GPATCH8: variants seen among roughly 807,000 people sequenced by gnomAD.
GPATCH8 encodes the protein G patch domain-containing protein 8.
Under a neutral mutation model 118.3 loss-of-function variants are expected in GPATCH8, and 18 were observed. That is an observed-to-expected ratio of 0.15 (90% CI 0.11 to 0.23). The LOEUF (loss-of-function observed/expected upper bound fraction) is 0.23, where lower values mean the gene tolerates loss of function less well. Ranked by LOEUF, GPATCH8 falls within the 10% of genes least tolerant of loss-of-function variation. GPATCH8 has a pLI of 1.00. For missense variants in GPATCH8, 1,631 were observed against 1,873.8 expected (o/e 0.87, Z 2.39); for synonymous variants, 659 against 684.7 (o/e 0.96, Z 0.59).
intron 1 of GPATCH8, among the ~76,000 whole-genome samples, chr17:44,500,733 A>G (rs2144509878): frequency 6.6e-6 from 1 of 152,348 alleles, no homozygotes; most frequent in South Asian, 2.1e-4. Flanking sequence ...GATCTGTTGA[A>G]AGCAACAAGA....
Position 44,397,583 on chromosome 17 carries a change from G to T in GPATCH8, c.4494C>A (p.Pro1498=). The part of the protein sequence containing the change: ...IFSGQDLQHP[P]SHGT ...ATCCCCCAACTCACGTGCCATGGCT[G>T]GGGGGATGTTGCAGGTCCTGACCTG... Residue 1498 remains proline (P), a synonymous_variant, in exon 8 of 8, where the codon CCC becomes CCA. Coordinates refer to ENST00000591680, the MANE Select transcript of GPATCH8 (RefSeq NM_001002909.4). 2 of 1,610,208 alleles carry T rather than the reference G, an allele frequency of 1.2e-6. No individual in the cohort carries two copies. The highest frequency in any genetic ancestry group is 1.7e-6 in the Non-Finnish European group (2 of 1,176,600).
chr17:44,471,160 C>A (rs1399885791), intron 2 of GPATCH8, among the ~76,000 whole-genome samples: 1 of 152,084 alleles, frequency 6.6e-6, no homozygotes, highest in Non-Finnish European at 1.5e-5. Flanking sequence ...TGAAAGATAT[C>A]TGGTTGGTTG....
At chr17:44,478,849 C>T (rs1967985195) in intron 1 of GPATCH8, among the ~76,000 whole-genome samples, 2 of 151,988 alleles carry the variant, frequency 1.3e-5, no homozygotes, top group South Asian at 4.1e-4. Flanking sequence ...AGTAATCCTC[C>T]CACCTCAGCC....
intron 1 of GPATCH8, among the ~76,000 whole-genome samples, chr17:44,480,580 C>T (rs558428167): frequency 1.3e-5 from 2 of 152,092 alleles, no homozygotes; most frequent in South Asian, 2.1e-4. Flanking sequence ...ATTAGCCAGG[C>T]GTGGTGGCTC....
chr17:44,399,900 T>C lies in GPATCH8; in HGVS notation c.2177A>G (p.Asp726Gly), dbSNP rs772968706. Residue 726 changes from aspartate to glycine, a missense_variant, in exon 8 of 8, where the codon GAT becomes GGT. Transcript: ENST00000591680. ...TTCTGGTTTGGGTCCTCGTTCAGAA[T>C]CTGCTGGGGCTGATGACTTATTCTT... ...RKKNKSSAPA[D>G]SERGPKPEPP... The C allele has an allele frequency of 2.5e-6, 4 of 1,613,984 alleles. No individual in the cohort carries two copies. The highest frequency in any genetic ancestry group is 3.4e-6 in the Non-Finnish European group (4 of 1,180,014).
intron 7 of GPATCH8, 59 bp downstream of exon 7, chr17:44,405,862 A>T: frequency 1.7e-6 from 2 of 1,199,906 alleles, no homozygotes; most frequent in Non-Finnish European, 2.4e-6. Flanking sequence ...GAAATCTATA[A>T]TTTAAAATTT....
At chr17:44,428,647 A>T (rs2050177086) in intron 5 of GPATCH8, among the ~76,000 whole-genome samples, 1 of 151,806 alleles carries the variant, frequency 6.6e-6, no homozygotes, top group Non-Finnish European at 1.5e-5. Context: ...TACAAAAAAT[A>T]TAAAAATTAG....
At position 44,400,852 on chromosome 17, in the gene GPATCH8, G is replaced by A; in HGVS notation, c.1225C>T (p.Pro409Ser). ...PAHCKVKPNF[P>S]FLLFMRASEQ... The stretch of plus-strand genomic sequence containing the variant: ...CTGGCTCTCATAAAAAGTAGAAAGG[G>A]AAAATTAGGTTTTACTTTGCAGTGT... Residue 409 changes from proline to serine, a missense_variant, in exon 8 of 8, where the codon CCC becomes TCC. Physicochemically the swap from Pro to Ser is moderately conservative, Grantham distance 74. Transcript: ENST00000591680. 1 of 1,614,004 alleles carries A rather than the reference G, an allele frequency of 6.2e-7. No homozygotes were observed. Among genetic ancestry groups the A allele is most frequent in the East Asian group, 2.2e-5 (1 of 44,884 alleles).
rs192580684 is a variant in GPATCH8 at position 44,397,301 on chromosome 17, G to C, written c.*267C>G. On this transcript the variant is annotated 3_prime_UTR_variant, in exon 8 of 8. Coordinates refer to ENST00000591680, the MANE Select transcript of GPATCH8 (RefSeq NM_001002909.4). ...AGTTTGGAGATGTTGCTGCAGAGGGGTGGGTAGCACTTACTGGTGTTCCCT... is the reference window on the plus strand; with the variant it reads ...AGTTTGGAGATGTTGCTGCAGAGGGCTGGGTAGCACTTACTGGTGTTCCCT... 1 of 634,446 alleles carries C rather than the reference G, an allele frequency of 1.6e-6. No homozygotes were observed. The highest frequency in any genetic ancestry group is 1.8e-5 in the African/African-American group (1 of 55,832). 39.3% of individuals were successfully genotyped at this position (634,446 alleles called of 1,614,324 possible).
chr17:44,406,175 C>T, intron 6 of GPATCH8, 124 bp from the exon 7 acceptor site: 1 of 740,356 alleles, frequency 1.4e-6, no homozygotes, highest in Non-Finnish European at 2.4e-6. Flanking sequence ...AACACATTAT[C>T]ATATTCTCTT....
intron 2 of GPATCH8, among the ~76,000 whole-genome samples, chr17:44,469,451 AGCTG>A (rs1967100596): frequency 6.6e-6 from 1 of 152,222 alleles, no homozygotes; most frequent in Non-Finnish European, 1.5e-5. Context: ...TATTGTATGA[AGCTG>A]GCTGTAAGTT....
intron 3 of GPATCH8, among the ~76,000 whole-genome samples, chr17:44,458,135 C>T (rs961091321): frequency 6.6e-6 from 1 of 151,436 alleles, no homozygotes; most frequent in African/African-American, 2.4e-5. Flanking sequence ...CCTGTAGTCC[C>T]CACTACTCAT....
chr17:44,448,700 G>C (rs1353869827), intron 3 of GPATCH8, among the ~76,000 whole-genome samples: 2 of 151,322 alleles, frequency 1.3e-5, no homozygotes, highest in African/African-American at 4.9e-5. Flanking sequence ...ATTTTAATAA[G>C]GCAAACTAAC....
At chr17:44,503,217 T>C (rs759960253) in intron 1 of GPATCH8, 109 bp downstream of exon 1, 3 of 1,005,928 alleles carry the variant, frequency 3.0e-6, no homozygotes, top group Admixed American at 4.0e-5. Flanking sequence ...GCGAGCTGGT[T>C]CGCAAGTCGG....
chr17:44,452,930 C>A (rs566813251), intron 3 of GPATCH8, among the ~76,000 whole-genome samples: 1 of 151,922 alleles, frequency 6.6e-6, no homozygotes, highest in Admixed American at 6.6e-5. Context: ...TGGGCTCATG[C>A]GATTCTCCCA....
intron 7 of GPATCH8, among the ~76,000 whole-genome samples, chr17:44,403,398 T>C (rs1182641315): frequency 6.6e-6 from 1 of 151,852 alleles, no homozygotes; most frequent in Admixed American, 6.6e-5. Flanking sequence ...AAAAAAAATT[T>C]TGCAGAGACA....
At chr17:44,468,216 G>A (rs1242860821) in intron 2 of GPATCH8, among the ~76,000 whole-genome samples, 2 of 151,456 alleles carry the variant, frequency 1.3e-5, no homozygotes, top group African/African-American at 4.9e-5. Flanking sequence ...CAAGTGATCC[G>A]CCTGCCTTGG....
At chr17:44,439,424 C>T (rs2050615669) in intron 3 of GPATCH8, among the ~76,000 whole-genome samples, 1 of 152,092 alleles carries the variant, frequency 6.6e-6, no homozygotes, top group Non-Finnish European at 1.5e-5. Context: ...AGAGCTGTCA[C>T]ATTTAAAATT....
chr17:44,487,191 A>C (rs992043766), intron 1 of GPATCH8, among the ~76,000 whole-genome samples: 7 of 152,124 alleles, frequency 4.6e-5, no homozygotes, highest in African/African-American at 1.7e-4. Flanking sequence ...CCTGGCAATC[A>C]CTGATCTTTT....
Sources: allele counts gnomAD v4.1 joint callset (sites outside exome capture counted in the v4.1 genomes callset), GRCh38; gene constraint gnomAD v4.1.1; transcripts MANE v1.5; gene names NCBI Gene and HGNC (gene_info 2026-07-23, HGNC 2026-07-21).